The following BCL7A variants were observed in gnomAD, a reference collection of about 807,000 sequenced individuals.
The protein encoded by BCL7A is BAF chromatin remodeling complex subunit BCL7A.
In BCL7A, 11 loss-of-function variants were observed where a neutral mutation model predicts 28.4. The observed-to-expected ratio is 0.39, with a 90% CI of 0.24 to 0.64. BCL7A has a LOEUF of 0.64. Ranked by LOEUF, BCL7A falls within the 30% of genes least tolerant of loss-of-function variation. The probability of loss-of-function intolerance (pLI) is 0.50; values close to 1 mark genes in which losing one functional copy is unlikely to be tolerated. For synonymous variants in BCL7A, 123 were observed against 103.3 expected (o/e 1.19, Z -1.15); for missense variants, 222 against 274.8 (o/e 0.81, Z 1.36).
rs1231705317 is a variant in BCL7A at position 122,061,074 on chromosome 12, A to G, written c.*1911A>G. 3.5e-5 allele frequency: 8 copies of G among 226,502 alleles called. No homozygotes were observed. Among genetic ancestry groups the G allele is most frequent in the Non-Finnish European group, 7.0e-5 (8 of 113,702 alleles). 14.0% of individuals were successfully genotyped at this position (226,502 alleles called of 1,614,324 possible). ...TACCTGATGCGGTTCCTCTCCACGC[A>G]TCTCGAGGCGGCGTTACCTCCAGAT... On this transcript the variant is annotated 3_prime_UTR_variant, in exon 6 of 6. Coordinates refer to ENST00000261822, the MANE Select transcript of BCL7A (RefSeq NM_001024808.3).
intron 4 of BCL7A, among the ~76,000 whole-genome samples, chr12:122,046,120 A>G (rs1172150953): frequency 6.6e-6 from 1 of 150,600 alleles, no homozygotes; most frequent in East Asian, 1.9e-4. Context: ...CCGTTACTGC[A>G]TCTAAGAAAA....
chr12:122,043,183 C>T (rs890712717), intron 3 of BCL7A, among the ~76,000 whole-genome samples: 5 of 151,998 alleles, frequency 3.3e-5, no homozygotes, highest in South Asian at 4.2e-4. Flanking sequence ...CGGACCATGC[C>T]GTGTCTTCTG....
chr12:122,025,191 G>T (rs573981738), intron 1 of BCL7A, among the ~76,000 whole-genome samples: 1 of 152,156 alleles, frequency 6.6e-6, no homozygotes, highest in Admixed American at 6.5e-5. Flanking sequence ...GGAGACGAAA[G>T]CTTGGGCTGC....
Position 122,061,579 on chromosome 12 carries a change from C to T in BCL7A, c.*2416C>T, listed in dbSNP as rs1951923595. 5.1e-6 allele frequency: 1 copy of T among 194,286 alleles called. No homozygotes were observed. Among genetic ancestry groups the T allele is most frequent in the Non-Finnish European group, 1.1e-5 (1 of 94,844 alleles). The allele number at this position is 194,286 out of a possible 1,614,324, so 12.0% of individuals were successfully genotyped here. On this transcript the variant is annotated 3_prime_UTR_variant, in exon 6 of 6. Transcript: ENST00000261822. ...CCCCCCACCCACCCTGCACCCCTCG[C>T]CCTCCCCCCACCACAGAATCTAAGA...
intron 2 of BCL7A, among the ~76,000 whole-genome samples, chr12:122,032,236 G>A (rs1883760964): frequency 6.6e-6 from 1 of 152,182 alleles, no homozygotes; most frequent in African/African-American, 2.4e-5. Flanking sequence ...CTGAACTTGG[G>A]CCTTTGTTGT....
chr12:122,024,057 T>G (rs574711754), intron 1 of BCL7A, among the ~76,000 whole-genome samples: 1 of 151,962 alleles, frequency 6.6e-6, no homozygotes, highest in Admixed American at 6.5e-5. Context: ...GATGGAGAGA[T>G]GGGGCTTCCC....
intron 5 of BCL7A, among the ~76,000 whole-genome samples, chr12:122,055,637 G>A (rs112927877): frequency 1.1e-4 from 16 of 151,956 alleles, no homozygotes; most frequent in Admixed American, 2.6e-4. Flanking sequence ...TTTTTCCTTC[G>A]AGACAGAGTC....
chr12:122,057,132 A>G (rs1395132929), intron 5 of BCL7A, among the ~76,000 whole-genome samples: 1 of 152,176 alleles, frequency 6.6e-6, no homozygotes, highest in Non-Finnish European at 1.5e-5. Flanking sequence ...CCATGGGTAG[A>G]GGGTGCTGTG....
chr12:122,050,495 A>G (rs1420775609), intron 4 of BCL7A, among the ~76,000 whole-genome samples: 1 of 152,038 alleles, frequency 6.6e-6, no homozygotes, highest in African/African-American at 2.4e-5. Context: ...ATCTCCCCTC[A>G]TGGCCCCCGT....
chr12:122,039,440 T>G (rs1304475575), intron 3 of BCL7A, among the ~76,000 whole-genome samples: 3 of 146,958 alleles, frequency 2.0e-5, no homozygotes, highest in Non-Finnish European at 4.5e-5. Flanking sequence ...GAACAGTAAT[T>G]GCACCACTGC....
intron 2 of BCL7A, among the ~76,000 whole-genome samples, chr12:122,031,953 C>A (rs538508962): frequency 4.6e-5 from 7 of 152,224 alleles, no homozygotes; most frequent in African/African-American, 1.2e-4. Context: ...GCCATTCCCC[C>A]CTGCCTGGAC....
At position 122,050,300 on chromosome 12, in the gene BCL7A, G is replaced by GT. The variant is rs201127945; in HGVS notation, c.440-4505_440-4504insT. The stretch of plus-strand genomic sequence containing the variant: ...CAGTCTTGGATCCTTCTTTATTGTG[G>GT]GGGGGGGGCCATCCTGTGCATTGTG... On this transcript the variant is annotated intron_variant, in intron 4 of 5. Coordinates refer to ENST00000261822, the MANE Select transcript of BCL7A (RefSeq NM_001024808.3). Among the ~76,000 whole-genome samples the GT allele has an allele frequency of 5.1e-5, 6 of 118,222 alleles. No homozygotes were observed. In the South Asian group the frequency reaches 1.1e-3, roughly 22 times the overall value. The allele number at this position is 118,222 out of a possible 152,430, so 77.6% of individuals were successfully genotyped here. A position where few individuals can be genotyped will look rare whatever the true frequency, so the allele number is the denominator to read the frequency against.
At position 122,030,757 on chromosome 12, in the gene BCL7A, T is replaced by C. The variant is rs1883725624; in HGVS notation, c.150T>C (p.Pro50=). The stretch of plus-strand genomic sequence containing the variant: ...CCCTACGAATCTACAAATGGGTCCC[T>C]GTGACGGAGCCCAAGGTTGATGACG... ...DTSLRIYKWV[P]VTEPKVDDKN... Residue 50 remains proline (P), a synonymous_variant, in exon 2 of 6, where the codon CCT becomes CCC. Transcript: ENST00000261822. 1 of 1,613,986 alleles carries C rather than the reference T, an allele frequency of 6.2e-7. No individual in the cohort carries two copies. Among genetic ancestry groups the C allele is most frequent in the Non-Finnish European group, 8.5e-7 (1 of 1,179,976 alleles).
chr12:122,040,933 A>T (rs975978341), intron 3 of BCL7A, among the ~76,000 whole-genome samples: 2 of 152,116 alleles, frequency 1.3e-5, no homozygotes, highest in Admixed American at 1.3e-4. Flanking sequence ...AGCCTCAGGA[A>T]CCTACGGGGC....
At chr12:122,041,507 A>G (rs994235984) in intron 3 of BCL7A, among the ~76,000 whole-genome samples, 8 of 152,196 alleles carry the variant, frequency 5.3e-5, no homozygotes, top group African/African-American at 1.9e-4. Flanking sequence ...GCTCAGGCCT[A>G]TGATCTCAGT....
chr12:122,033,865 A>G (rs1258423343), intron 2 of BCL7A, among the ~76,000 whole-genome samples: 1 of 152,150 alleles, frequency 6.6e-6, no homozygotes, highest in African/African-American at 2.4e-5. Context: ...ACTCATACCC[A>G]TTAGCAGTCA....
intron 1 of BCL7A, among the ~76,000 whole-genome samples, chr12:122,024,304 C>T (rs1405595815): frequency 6.6e-6 from 1 of 152,114 alleles, no homozygotes; most frequent in Non-Finnish European, 1.5e-5. Context: ...CATGGTGACC[C>T]GGGGTTTTGT....
In BCL7A at chr12:122,059,383, T is replaced by G. The variant is rs1374219133; in HGVS notation, c.*220T>G. ...CACTCAAACCTTTAAGGGACTGTCCTTGGGGAGGCAGGCGGGGCTGACAGC... is the reference window on the plus strand; with the variant it reads ...CACTCAAACCTTTAAGGGACTGTCCGTGGGGAGGCAGGCGGGGCTGACAGC... On this transcript the variant is annotated 3_prime_UTR_variant, in exon 6 of 6. Coordinates refer to ENST00000261822, the MANE Select transcript of BCL7A (RefSeq NM_001024808.3). The surrounding 1 kb of genome is among the most constrained non-coding windows in gnomAD (Gnocchi z 4.0). 1 of 489,168 alleles carries G rather than the reference T, an allele frequency of 2.0e-6. No homozygotes were observed. The highest frequency in any genetic ancestry group is 3.7e-6 in the Non-Finnish European group (1 of 269,466). 30.3% of individuals were successfully genotyped at this position (489,168 alleles called of 1,614,324 possible).
Position 122,059,253 on chromosome 12 carries a change from G to A in BCL7A, c.*90G>A, listed in dbSNP as rs951666204. 52 of 1,258,158 alleles carry A rather than the reference G, an allele frequency of 4.1e-5. No homozygotes were observed. The highest frequency in any genetic ancestry group is 2.3e-5 in the Non-Finnish European group (20 of 870,998). The allele number at this position is 1,258,158 out of a possible 1,614,324, so 77.9% of individuals were successfully genotyped here. A position where few individuals can be genotyped will look rare whatever the true frequency, so the allele number is the denominator to read the frequency against. ...ACTTTGCCCCAGCGATTCCTCTTGG[G>A]TGCGAACAGAACTACTAACGTTTCA... is the stretch of plus-strand genomic sequence containing the variant. On this transcript the variant is annotated 3_prime_UTR_variant, in exon 6 of 6. Transcript: ENST00000261822. The surrounding 1 kb of genome is among the most constrained non-coding windows in gnomAD (Gnocchi z 4.0).
Sources: gnomAD v4.1 joint callset for allele counts (sites outside exome capture counted in the v4.1 genomes callset) on GRCh38, gnomAD v4.1.1 for gene constraint, Gnocchi (gnomAD v3.1) non-coding constraint, MANE v1.5 for transcripts, NCBI Gene and HGNC (gene_info 2026-07-23, HGNC 2026-07-21) for gene names.